ANTXR1: variants seen among roughly 807,000 people sequenced by gnomAD.
The protein encoded by ANTXR1 is anthrax toxin receptor 1.
A neutral mutation model predicts 78.1 loss-of-function variants in ANTXR1; 19 were observed. The ratio of observed to expected loss-of-function variants is 0.24; its 90% CI spans 0.17 to 0.36. The LOEUF is 0.36. ANTXR1 is among the 10% of genes least tolerant of loss of function. The pLI, the probability that ANTXR1 is intolerant of heterozygous loss-of-function variation, is 1.00. For missense variants in ANTXR1, 518 were observed against 718.6 expected, an observed-to-expected ratio of 0.72 and a Z score of 3.19; for synonymous variants, 273 against 260.5, an observed-to-expected ratio of 1.05 and a Z score of -0.46.
chr2:69,138,084 C>CA (rs368731118), intron 12 of ANTXR1, among the ~76,000 whole-genome samples: 191 of 67,448 alleles, frequency 2.8e-3, no homozygotes, highest in African/African-American at 0.011. Flanking sequence ...GACTCCATCT[C>CA]AAAAAAAAAA....
In ANTXR1 at chr2:69,243,764, C is replaced by T. The variant is rs556808808; in HGVS notation, c.1435-1461C>T. On this transcript the variant is annotated intron_variant, in intron 17 of 17. Coordinates refer to ENST00000303714, the MANE Select transcript of ANTXR1 (RefSeq NM_032208.3). ...CATATCTCGTTCAGGCTGGACACCA[C>T]AGGATAACTTCCATCCTGGAGCATG... Among the ~76,000 whole-genome samples, 556 of 152,330 alleles carry T rather than the reference C, an allele frequency of 3.6e-3. 7 individuals are homozygous for T. Among genetic ancestry groups the T allele is most frequent in the African/African-American group, 0.013 (536 of 41,578 alleles).
At chr2:69,020,536 C>A (rs1454468461) in intron 1 of ANTXR1, among the ~76,000 whole-genome samples, 1 of 152,106 alleles carries the variant, frequency 6.6e-6, no homozygotes, top group Non-Finnish European at 1.5e-5. Flanking sequence ...CCCAAGATAA[C>A]CTGTAATTAT....
At chr2:69,109,301 T>C (rs1671908025) in intron 10 of ANTXR1, among the ~76,000 whole-genome samples, 1 of 152,244 alleles carries the variant, frequency 6.6e-6, no homozygotes, top group Non-Finnish European at 1.5e-5. Context: ...AGATATCAAT[T>C]GTCTTCATCT....
At chr2:69,206,053 T>C (rs541440422) in intron 17 of ANTXR1, among the ~76,000 whole-genome samples, 1 of 152,356 alleles carries the variant, frequency 6.6e-6, no homozygotes, top group East Asian at 1.9e-4. Flanking sequence ...TTGAGAGCAG[T>C]GTCACGTTGA....
chr2:69,013,694 C>T lies in ANTXR1; in HGVS notation c.152+43C>T, dbSNP rs199806524. The T allele has an allele frequency of 6.4e-6, 10 of 1,551,276 alleles. No individual in the cohort carries two copies. The highest frequency in any genetic ancestry group is 2.7e-5 in the African/African-American group (2 of 73,150). ...TCCCCCCCACCCCAGGCTAAGCGGG[C>T]GAAAACGCTTTCGCCCCGGGCCGGG... On this transcript the variant is annotated intron_variant, in intron 1 of 17. Coordinates refer to ENST00000303714, the MANE Select transcript of ANTXR1 (RefSeq NM_032208.3). This position sits in a 1 kb window ranked among gnomAD's most constrained non-coding sequence, Gnocchi z 5.0.
intron 13 of ANTXR1, among the ~76,000 whole-genome samples, chr2:69,165,787 G>A (rs955168655): frequency 1.3e-5 from 2 of 152,222 alleles, no homozygotes; most frequent in Non-Finnish European, 2.9e-5. Flanking sequence ...AGTAGAGTTA[G>A]CAAGTGACAA....
intron 17 of ANTXR1, among the ~76,000 whole-genome samples, chr2:69,219,852 C>G (rs1675276771): frequency 6.6e-6 from 1 of 152,134 alleles, no homozygotes; most frequent in African/African-American, 2.4e-5. Flanking sequence ...ACTCCTCCAC[C>G]ATCAGAAGGG....
At chr2:69,172,422 A>G (rs773555652) in intron 14 of ANTXR1, 2 of 1,604,948 alleles carry the variant, frequency 1.2e-6, no homozygotes, top group South Asian at 1.1e-5. Context: ...AGAAACAGAT[A>G]ACCTAACACA....
intron 9 of ANTXR1, among the ~76,000 whole-genome samples, chr2:69,095,215 C>T (rs767392909): frequency 6.6e-6 from 1 of 151,738 alleles, no homozygotes; most frequent in African/African-American, 2.4e-5. Flanking sequence ...CCTTTTCTTT[C>T]TTCTTTCCCT....
At chr2:69,088,206 C>CA (rs1435332214) in intron 8 of ANTXR1, among the ~76,000 whole-genome samples, 2 of 152,086 alleles carry the variant, frequency 1.3e-5, no homozygotes, top group African/African-American at 4.8e-5. Flanking sequence ...GTTAAAGATC[C>CA]ACGGATGGTT....
chr2:69,169,564 C>T lies in ANTXR1; in HGVS notation c.1048-684C>T, dbSNP rs530051518. Among the ~76,000 whole-genome samples the T allele has an allele frequency of 1.3e-4, 20 of 152,336 alleles. No individual in the cohort carries two copies. In the South Asian group the frequency reaches 4.1e-3, roughly 32 times the overall value. ...ATTCTCTCATGGGTTAGACTGTCTCCCAATTACTTGCCCATCCAGAGTTTC... is the reference window on the plus strand; with the variant it reads ...ATTCTCTCATGGGTTAGACTGTCTCTCAATTACTTGCCCATCCAGAGTTTC... On this transcript the variant is annotated intron_variant, in intron 13 of 17. Transcript: ENST00000303714.
chr2:69,066,909 T>A (rs1401829294), intron 3 of ANTXR1, among the ~76,000 whole-genome samples: 2 of 152,210 alleles, frequency 1.3e-5, no homozygotes, highest in African/African-American at 4.8e-5. Context: ...TAGGATTCCC[T>A]GCCTCTTTCA....
At chr2:69,060,139 C>G (rs1670190787) in intron 3 of ANTXR1, among the ~76,000 whole-genome samples, 1 of 152,186 alleles carries the variant, frequency 6.6e-6, no homozygotes, top group Admixed American at 6.5e-5. Context: ...TGGACTATTC[C>G]TGTCTGCCAA....
intron 14 of ANTXR1, among the ~76,000 whole-genome samples, chr2:69,179,491 T>C (rs569963365): frequency 1.3e-5 from 2 of 148,560 alleles, no homozygotes; most frequent in Non-Finnish European, 3.0e-5. Context: ...GAGGCTGCAC[T>C]CCAGCCTGGG....
chr2:69,122,924 TC>T, intron 10 of ANTXR1, 92 bp from the exon 11 acceptor site: 1 of 1,375,350 alleles, frequency 7.3e-7, no homozygotes, highest in South Asian at 1.2e-5. Flanking sequence ...TTTTGGTATC[TC>T]CCTGGACTTG....
intron 9 of ANTXR1, among the ~76,000 whole-genome samples, chr2:69,094,104 G>A (rs962700428): frequency 6.6e-6 from 1 of 152,234 alleles, no homozygotes; most frequent in Non-Finnish European, 1.5e-5. Context: ...TAGTTTTCAG[G>A]AAGCCTGGGA....
intron 14 of ANTXR1, 99 bp downstream of exon 14, chr2:69,170,388 G>T (rs1035644319): frequency 7.3e-7 from 1 of 1,378,080 alleles, no homozygotes; most frequent in Non-Finnish European, 1.0e-6. Context: ...GCAGAGCAGA[G>T]CTAAGTCAAG....
chr2:69,226,256 CAG>C (rs903299426), intron 17 of ANTXR1, among the ~76,000 whole-genome samples: 1 of 152,156 alleles, frequency 6.6e-6, no homozygotes, highest in African/African-American at 2.4e-5. Context: ...TCTGGATTCA[CAG>C]AGTTTCTTTG....
chr2:69,138,098 AAAAAAAAAAAG>A, intron 12 of ANTXR1, among the ~76,000 whole-genome samples: 1 of 151,108 alleles, frequency 6.6e-6, no homozygotes, highest in African/African-American at 2.4e-5. Context: ...AAAAAAAGAA[AAAAAAAAAAAG>A]AAAGAAAAAA....
Sources: allele counts gnomAD v4.1 joint callset (sites outside exome capture counted in the v4.1 genomes callset), GRCh38; gene constraint gnomAD v4.1.1; non-coding constraint Gnocchi (gnomAD v3.1); transcripts MANE v1.5; gene names NCBI Gene and HGNC (gene_info 2026-07-23, HGNC 2026-07-21).